The following FERMT2 variants were observed in gnomAD, a reference collection of about 807,000 sequenced individuals.
The protein encoded by FERMT2 is fermitin family homolog 2.
FERMT2 carries 15 observed loss-of-function variants against 82.7 expected under a neutral mutation model. The observed-to-expected ratio is 0.18, with a 90% confidence interval of 0.12 to 0.28. FERMT2 has a LOEUF of 0.28. Among genes scored for constraint, FERMT2 ranks in the 10% least tolerant of loss-of-function variants. The probability of loss-of-function intolerance (pLI) is 1.00; values close to 1 mark genes in which losing one functional copy is unlikely to be tolerated. For synonymous variants in FERMT2, 274 were observed against 271.5 expected, an observed-to-expected ratio of 1.01 and a Z score of -0.09; for missense variants, 645 against 809.4, an observed-to-expected ratio of 0.80 and a Z score of 2.46.
intron 10 of FERMT2, among the ~76,000 whole-genome samples, chr14:52,866,946 G>A (rs144496019): frequency 4.6e-5 from 7 of 152,110 alleles, no homozygotes; most frequent in Non-Finnish European, 8.8e-5. Context: ...CTCCCTCTCA[G>A]ACACTACATT....
chr14:52,922,471 G>GGGA (rs1889016117), intron 2 of FERMT2, among the ~76,000 whole-genome samples: 1 of 75,628 alleles, frequency 1.3e-5, no homozygotes. Flanking sequence ...TGAAAGGAAT[G>GGGA]TTTATTAAAT....
chr14:52,878,555 G>T, intron 7 of FERMT2, 27 bp downstream of exon 7: 1 of 1,371,098 alleles, frequency 7.3e-7, no homozygotes, highest in Non-Finnish European at 1.0e-6. Context: ...ACCGGAATAA[G>T]TCCCATTTAC....
intron 2 of FERMT2, among the ~76,000 whole-genome samples, chr14:52,923,692 C>T (rs551241360): frequency 6.8e-4 from 103 of 151,398 alleles, no homozygotes; most frequent in Non-Finnish European, 1.2e-3. Context: ...ATGAGTGGTC[C>T]GTTTACCCAC....
At chr14:52,943,344 T>C (rs140703148) in intron 2 of FERMT2, among the ~76,000 whole-genome samples, 4 of 152,328 alleles carry the variant, frequency 2.6e-5, no homozygotes, top group Non-Finnish European at 4.4e-5. Context: ...TACAAACAGA[T>C]ACTATCATTT....
At chr14:52,866,494 C>T (rs1885287986) in intron 10 of FERMT2, among the ~76,000 whole-genome samples, 1 of 152,178 alleles carries the variant, frequency 6.6e-6, no homozygotes. Flanking sequence ...TCACATTATA[C>T]ATTCTCCTAG....
chr14:52,888,366 G>T (rs1469831831), intron 4 of FERMT2, among the ~76,000 whole-genome samples: 1 of 152,158 alleles, frequency 6.6e-6, no homozygotes, highest in Admixed American at 6.5e-5. Flanking sequence ...AGAATTCAGT[G>T]AAAAGACTGA....
chr14:52,915,707 A>AATAG (rs1466036382), intron 3 of FERMT2, among the ~76,000 whole-genome samples: 1 of 152,208 alleles, frequency 6.6e-6, no homozygotes, highest in Non-Finnish European at 1.5e-5. Flanking sequence ...TCAAAATAGG[A>AATAG]ATAGCTTTTT....
chr14:52,926,159 C>T (rs114217980), intron 2 of FERMT2, among the ~76,000 whole-genome samples: 1,425 of 18,568 alleles, frequency 0.077, 21 homozygotes, highest in African/African-American at 0.15. Flanking sequence ...AAAATACTTA[C>T]GAATAATGGC....
Position 52,860,998 on chromosome 14 carries a change from A to T in FERMT2, c.1603-533T>A, listed in dbSNP as rs780890362. The T allele has an allele frequency of 1.8e-5, 28 of 1,513,578 alleles. 1 individual carries two copies. The South Asian group carries it at 3.5e-4, about 19-fold the overall frequency. 93.8% of individuals were successfully genotyped at this position (1,513,578 alleles called of 1,614,324 possible). ...TATTTATTCTTTTTCTTTTGTGGTA[A>T]ATATGGAGAACTTACCAAATCTCTT... On this transcript the variant is annotated intron_variant, in intron 12 of 14. Coordinates refer to ENST00000341590, the MANE Select transcript of FERMT2 (RefSeq NM_006832.3).
At chr14:52,916,262 T>C (rs1594988825) in intron 3 of FERMT2, among the ~76,000 whole-genome samples, 5 of 151,652 alleles carry the variant, frequency 3.3e-5, no homozygotes, top group Middle Eastern at 6.8e-3. Context: ...AAGAATTGCT[T>C]GAACCCGGGA....
chr14:52,875,886 A>C (rs1435020420), intron 7 of FERMT2, among the ~76,000 whole-genome samples: 1 of 152,164 alleles, frequency 6.6e-6, no homozygotes, highest in East Asian at 1.9e-4. Context: ...CATATCTAAG[A>C]ATGTTTGTAC....
chr14:52,861,031 C>T, intron 12 of FERMT2: 1 of 1,513,160 alleles, frequency 6.6e-7, no homozygotes. Flanking sequence ...CTTATATAGC[C>T]TGGCTGTAGA....
chr14:52,871,112 G>A (rs1308570722), intron 10 of FERMT2, among the ~76,000 whole-genome samples: 1 of 152,216 alleles, frequency 6.6e-6, no homozygotes, highest in Non-Finnish European at 1.5e-5. Context: ...GACTATGGCT[G>A]CAGGTGTTAG....
intron 4 of FERMT2, among the ~76,000 whole-genome samples, chr14:52,887,566 T>C (rs1886685033): frequency 6.6e-6 from 1 of 151,974 alleles, no homozygotes; most frequent in South Asian, 2.1e-4. Flanking sequence ...TGGTAGCTCA[T>C]GCCCATAATC....
chr14:52,876,061 T>C (rs1885941559), intron 7 of FERMT2, among the ~76,000 whole-genome samples: 1 of 152,238 alleles, frequency 6.6e-6, no homozygotes, highest in Non-Finnish European at 1.5e-5. Context: ...AATATTATGT[T>C]AAGCCTTAGG....
intron 2 of FERMT2, among the ~76,000 whole-genome samples, chr14:52,922,388 T>C (rs1237782451): frequency 6.6e-6 from 1 of 152,074 alleles, no homozygotes; most frequent in Non-Finnish European, 1.5e-5. Flanking sequence ...GTCAGCATGT[T>C]GGGGATCTGC....
intron 2 of FERMT2, among the ~76,000 whole-genome samples, chr14:52,935,463 C>G (rs1889793298): frequency 1.3e-5 from 2 of 152,112 alleles, no homozygotes. Context: ...TAAATCAAGT[C>G]ATGGAGGTGG....
At chr14:52,870,296 C>T (rs1006787648) in intron 10 of FERMT2, among the ~76,000 whole-genome samples, 1 of 150,320 alleles carries the variant, frequency 6.7e-6, no homozygotes, top group Admixed American at 6.7e-5. Context: ...GTTGCCCAAG[C>T]TGGAGTGCAA....
intron 3 of FERMT2, among the ~76,000 whole-genome samples, chr14:52,904,846 T>C (rs1887902937): frequency 6.7e-6 from 1 of 150,058 alleles, no homozygotes; most frequent in African/African-American, 2.5e-5. Flanking sequence ...TTTCTTAATG[T>C]AAACAATGAC....
Sources: allele counts gnomAD v4.1 joint callset (sites outside exome capture counted in the v4.1 genomes callset), GRCh38; gene constraint gnomAD v4.1.1; transcripts MANE v1.5; gene names NCBI Gene and HGNC (gene_info 2026-07-23, HGNC 2026-07-21).